Variants in SYN3 observed in about 807,000 individuals in gnomAD.
SYN3 encodes the protein synapsin III.
Under a neutral mutation model 65.8 loss-of-function variants are expected in SYN3, and 35 were observed. That is an observed-to-expected ratio of 0.53 (90% CI 0.41 to 0.70). SYN3 has a LOEUF of 0.70. Among genes scored for constraint, SYN3 ranks in the 30% least tolerant of loss-of-function variants. SYN3 has a pLI of 0.00. For synonymous variants in SYN3, 270 were observed against 292.9 expected, an observed-to-expected ratio of 0.92 and a Z score of 0.80; for missense variants, 680 against 749.0, an observed-to-expected ratio of 0.91 and a Z score of 1.08.
intron 4 of SYN3, among the ~76,000 whole-genome samples, chr22:32,894,352 T>G (rs11912426): frequency 3.3e-5 from 5 of 152,242 alleles, no homozygotes; most frequent in African/African-American, 1.2e-4. Flanking sequence ...TGATAAATGC[T>G]GTGGGTTGGC....
At chr22:32,923,838 T>C (rs1438795003) in intron 4 of SYN3, among the ~76,000 whole-genome samples, 1 of 152,162 alleles carries the variant, frequency 6.6e-6, no homozygotes, top group Non-Finnish European at 1.5e-5. Flanking sequence ...ATCCTCTCCC[T>C]CCTCCCACCC....
At chr22:32,764,938 T>C (rs1036720267) in intron 6 of SYN3, among the ~76,000 whole-genome samples, 2 of 152,120 alleles carry the variant, frequency 1.3e-5, no homozygotes, top group Non-Finnish European at 2.9e-5. Context: ...ACTGAGCCGA[T>C]TGACATCATC....
chr22:33,046,944 C>A (rs769026288), intron 1 of SYN3, among the ~76,000 whole-genome samples: 2 of 151,246 alleles, frequency 1.3e-5, no homozygotes, highest in Non-Finnish European at 2.9e-5. Flanking sequence ...TCTTCTCCAA[C>A]TCTCCCTTCC....
At chr22:32,788,487 G>A (rs2046246392) in intron 6 of SYN3, among the ~76,000 whole-genome samples, 1 of 151,896 alleles carries the variant, frequency 6.6e-6, no homozygotes, top group Admixed American at 6.6e-5. Flanking sequence ...GTTGCAGTGA[G>A]CAGAGATCGT....
chr22:32,853,927 ACT>A (rs1435703447), intron 6 of SYN3, among the ~76,000 whole-genome samples: 2 of 152,054 alleles, frequency 1.3e-5, no homozygotes, highest in African/African-American at 2.4e-5. Flanking sequence ...GAAGATTCAA[ACT>A]CTGGCTGTCA....
At chr22:32,825,820 A>T (rs1381076697) in intron 6 of SYN3, among the ~76,000 whole-genome samples, 4 of 152,100 alleles carry the variant, frequency 2.6e-5, no homozygotes, top group Non-Finnish European at 5.9e-5. Context: ...TCCAACTAAC[A>T]TTTCTGTATC....
chr22:32,681,905 G>A (rs986711645), intron 6 of SYN3, among the ~76,000 whole-genome samples: 28 of 152,322 alleles, frequency 1.8e-4, no homozygotes, highest in Admixed American at 1.8e-3. Flanking sequence ...AGTCCTGGAG[G>A]TATGGGATGG....
intron 6 of SYN3, among the ~76,000 whole-genome samples, chr22:32,675,146 G>C (rs1242182659): frequency 1.3e-5 from 2 of 152,176 alleles, no homozygotes; most frequent in Non-Finnish European, 2.9e-5. Context: ...CAATGTCCCA[G>C]GAGGCCTCTA....
At chr22:33,024,861 A>G (rs917089185) in intron 1 of SYN3, among the ~76,000 whole-genome samples, 1 of 152,208 alleles carries the variant, frequency 6.6e-6, no homozygotes, top group Non-Finnish European at 1.5e-5. Context: ...TTACTGGGCA[A>G]GTGTTCTTCC....
At chr22:32,938,062 TAGA>T in intron 3 of SYN3, among the ~76,000 whole-genome samples, 1 of 152,028 alleles carries the variant, frequency 6.6e-6, no homozygotes, top group East Asian at 1.9e-4. Context: ...CAGCAGGACA[TAGA>T]ATAACCAACT....
intron 6 of SYN3, among the ~76,000 whole-genome samples, chr22:32,795,549 A>G (rs1460296038): frequency 1.3e-5 from 2 of 152,216 alleles, no homozygotes; most frequent in Non-Finnish European, 2.9e-5. Flanking sequence ...AAGACAGGCA[A>G]TCAGAGGGAC....
At chr22:32,812,734 G>A (rs903802299) in intron 6 of SYN3, among the ~76,000 whole-genome samples, 1 of 152,198 alleles carries the variant, frequency 6.6e-6, no homozygotes, top group African/African-American at 2.4e-5. Context: ...TGATCTGATG[G>A]AACCTTTGTT....
chr22:32,564,931 G>A (rs1460364222), intron 7 of SYN3, among the ~76,000 whole-genome samples: 2 of 142,740 alleles, frequency 1.4e-5, no homozygotes, highest in Non-Finnish European at 3.0e-5. Context: ...CAGTGCTCCC[G>A]GATTGTACCC....
chr22:32,859,643 G>A, intron 6 of SYN3: 1 of 494,790 alleles, frequency 2.0e-6, no homozygotes, highest in East Asian at 3.5e-5. Context: ...TGAGGAACCT[G>A]TATTCCTCTT....
chr22:32,643,818 G>A (rs546656497), intron 6 of SYN3, among the ~76,000 whole-genome samples: 45 of 151,852 alleles, frequency 3.0e-4, no homozygotes, highest in East Asian at 1.2e-3. Context: ...GGGGCCGGGC[G>A]CGGTGGCTCA....
At chr22:32,955,737 T>C (rs1247330081) in intron 3 of SYN3, among the ~76,000 whole-genome samples, 1 of 152,022 alleles carries the variant, frequency 6.6e-6, no homozygotes, top group Non-Finnish European at 1.5e-5. Context: ...TGTGAGGGTG[T>C]TTCCAAAGGA....
intron 6 of SYN3, among the ~76,000 whole-genome samples, chr22:32,717,572 G>T (rs921934117): frequency 2.0e-5 from 3 of 152,146 alleles, no homozygotes; most frequent in Admixed American, 1.3e-4. Context: ...TATTCTGGGG[G>T]TGGTGGTGGG....
In SYN3 at chr22:32,528,973, A is replaced by G. The variant is rs755970849; in HGVS notation, c.1131T>C (p.His377=). Residue 377 remains histidine, a synonymous_variant, in exon 11 of 14, where the codon CAT becomes CAC. Coordinates refer to ENST00000358763, the MANE Select transcript of SYN3 (RefSeq NM_003490.4). The part of the protein sequence containing the change: ...MDSSMPLIGE[H]VEEDRQLMAD... The stretch of plus-strand genomic sequence containing the variant: ...CCATCAGCTGTCTGTCCTCTTCCAC[A>G]TGCTCTCCAATCAGCGGCATTGAGC... The G allele has an allele frequency of 6.2e-7, 1 of 1,613,832 alleles. No individual in the cohort carries two copies. Among genetic ancestry groups the G allele is most frequent in the Non-Finnish European group, 8.5e-7 (1 of 1,180,032 alleles).
chr22:32,510,379 C>T lies in SYN3; in HGVS notation c.*3313G>A, dbSNP rs1269422416. Reference sequence around the variant, plus strand: ...TAGCTCTGCCCATGGCCGTGGCCCACAGGTTGAGAAACTTTGTCCAGCCTA... The same window carrying T: ...TAGCTCTGCCCATGGCCGTGGCCCATAGGTTGAGAAACTTTGTCCAGCCTA... On this transcript the variant is annotated 3_prime_UTR_variant, in exon 14 of 14. Transcript: ENST00000358763. Among the ~76,000 whole-genome samples the T allele has an allele frequency of 6.6e-6, 1 of 152,226 alleles. No individual in the cohort carries two copies. The highest frequency in any genetic ancestry group is 1.5e-5 in the Non-Finnish European group (1 of 68,030).
Sources: gnomAD v4.1 joint callset for allele counts (sites outside exome capture counted in the v4.1 genomes callset) on GRCh38, gnomAD v4.1.1 for gene constraint, MANE v1.5 for transcripts, NCBI Gene and HGNC (gene_info 2026-07-23, HGNC 2026-07-21) for gene names.